MGAT4C: variants seen among roughly 807,000 people sequenced by gnomAD.
MGAT4C encodes the protein alpha-1,3-mannosyl-glycoprotein 4-beta-N-acetylglucosaminyltransferase C.
In MGAT4C, 19 loss-of-function variants were observed where a neutral mutation model predicts 40.1. The ratio of observed to expected loss-of-function variants is 0.47; its 90% CI spans 0.33 to 0.70. The LOEUF (loss-of-function observed/expected upper bound fraction) is 0.70, where lower values mean the gene tolerates loss of function less well. Ranked by LOEUF, MGAT4C falls within the 30% of genes least tolerant of loss-of-function variation. MGAT4C has a pLI of 0.02. For synonymous variants in MGAT4C, 181 were observed against 187.1 expected (o/e 0.97, Z 0.27); for missense variants, 491 against 563.2 (o/e 0.87, Z 1.30).
chr12:86,390,740 T>C (rs568099806), intron 3 of MGAT4C, among the ~76,000 whole-genome samples: 1 of 149,800 alleles, frequency 6.7e-6, no homozygotes, highest in African/African-American at 2.4e-5. Flanking sequence ...ATTTATAATT[T>C]GATTTAAAAA....
At chr12:86,554,143 C>T (rs1310822929) in intron 2 of MGAT4C, among the ~76,000 whole-genome samples, 2 of 151,726 alleles carry the variant, frequency 1.3e-5, no homozygotes, top group Non-Finnish European at 2.9e-5. Context: ...TACACACACA[C>T]ACACACACAC....
At chr12:86,580,715 G>A (rs933093937) in intron 2 of MGAT4C, among the ~76,000 whole-genome samples, 5 of 151,124 alleles carry the variant, frequency 3.3e-5, no homozygotes, top group Non-Finnish European at 7.4e-5. Flanking sequence ...CCTTATTTTC[G>A]GTATTGAATA....
At chr12:86,208,923 A>G (rs1020207378) in intron 1 of MGAT4C, among the ~76,000 whole-genome samples, 2 of 152,264 alleles carry the variant, frequency 1.3e-5, no homozygotes, top group African/African-American at 2.4e-5. Context: ...TACATTCGCT[A>G]CTTACTTCTC....
chr12:86,833,179 A>ACTTTGAAAGG (rs1417504546), intron 1 of MGAT4C, among the ~76,000 whole-genome samples: 4 of 151,858 alleles, frequency 2.6e-5, no homozygotes, highest in Admixed American at 2.6e-4. Context: ...ATTTGATCAA[A>ACTTTGAAAGG]CTTTGAAAGG....
chr12:86,148,197 A>G lies in MGAT4C; in HGVS notation c.-56-98474T>C, dbSNP rs895630414. ...GTCACTTAAAATTTGTGCTCCTTAG[A>G]GAGTGAAAGGAGAGAACCAGGAATC... On this transcript the variant is annotated intron_variant, in intron 1 of 4. Coordinates refer to ENST00000611864, the MANE Select transcript of MGAT4C (RefSeq NM_001351288.2). 3.3e-5 allele frequency among the ~76,000 whole-genome samples: 5 copies of G among 152,310 alleles called. No homozygotes were observed. In the South Asian group the frequency reaches 1.0e-3, roughly 32 times the overall value.
chr12:86,267,265 G>C lies in MGAT4C; in HGVS notation c.-57+66800C>G, dbSNP rs554613153. On this transcript the variant is annotated intron_variant, in intron 4 of 7. Transcript: ENST00000548651. ...AGTTCTCTCTTAGCACTGCTTTGCT[G>C]TATCTCACAGATTTTGGTAGGCTGC... Among the ~76,000 whole-genome samples, 5 of 152,184 alleles carry C rather than the reference G, an allele frequency of 3.3e-5. No individual in the cohort carries two copies. The East Asian group carries it at 9.7e-4, about 29-fold the overall frequency.
Position 86,689,287 on chromosome 12 carries a change from C to T in MGAT4C, c.-229+37922G>A, listed in dbSNP as rs541616145. ...TTAGCTTCCTTGCCCTGGGTTAGAA[C>T]ACGCTCCTTTAGCTTGGAGGATTTT... On this transcript the variant is annotated intron_variant, in intron 2 of 7. Coordinates refer to the MGAT4C transcript ENST00000548651. 5.1e-4 allele frequency among the ~76,000 whole-genome samples: 77 copies of T among 152,248 alleles called. 1 individual carries two copies. Among genetic ancestry groups the T allele is most frequent in the African/African-American group, 1.8e-3 (73 of 41,550 alleles).
intron 2 of MGAT4C, among the ~76,000 whole-genome samples, chr12:86,641,412 T>A (rs574106729): frequency 6.6e-6 from 1 of 151,834 alleles, no homozygotes; most frequent in Admixed American, 6.6e-5. Context: ...GAGATATACC[T>A]AATGCTAAAT....
chr12:86,409,215 A>G (rs1344206467), intron 3 of MGAT4C, among the ~76,000 whole-genome samples: 1 of 152,190 alleles, frequency 6.6e-6, no homozygotes, highest in Non-Finnish European at 1.5e-5. Flanking sequence ...CATTGGGCCA[A>G]CCAAATTTTA....
chr12:86,042,847 A>C (rs1891998923), intron 2 of MGAT4C, among the ~76,000 whole-genome samples: 1 of 144,508 alleles, frequency 6.9e-6, no homozygotes, highest in South Asian at 2.2e-4. Context: ...CAGCCTGGGC[A>C]ACAGAGCAAG....
chr12:85,960,501 A>T lies in MGAT4C; in HGVS notation c.*18788T>A, dbSNP rs1883056336. 6.6e-6 allele frequency: 1 copy of T among 152,050 alleles called. No homozygotes were observed. The highest frequency in any genetic ancestry group is 1.5e-5 in the Non-Finnish European group (1 of 67,904). The allele number at this position is 152,050 out of a possible 1,614,324, so 9.4% of individuals were successfully genotyped here. The stretch of plus-strand genomic sequence containing the variant: ...TGTAAAACAACAATTAGCATGTGAC[A>T]TGCTCTCAGCAAATCAATTAATCCT... On this transcript the variant is annotated 3_prime_UTR_variant, in exon 5 of 5. Transcript: ENST00000611864.
chr12:86,784,833 T>C (rs1168534381), intron 1 of MGAT4C, among the ~76,000 whole-genome samples: 2 of 151,906 alleles, frequency 1.3e-5, no homozygotes, highest in African/African-American at 2.4e-5. Context: ...GTAAGGATTA[T>C]TAGAGGAAGG....
At chr12:85,997,558 A>G (rs1397304418) in intron 2 of MGAT4C, among the ~76,000 whole-genome samples, 1 of 152,352 alleles carries the variant, frequency 6.6e-6, no homozygotes, top group African/African-American at 2.4e-5. Flanking sequence ...CAATGGAGGT[A>G]CAGGCATTGG....
intron 1 of MGAT4C, among the ~76,000 whole-genome samples, chr12:86,176,135 CCT>C (rs1887407677): frequency 6.6e-6 from 1 of 152,156 alleles, no homozygotes; most frequent in Non-Finnish European, 1.5e-5. Context: ...TTTAATCTAA[CCT>C]AACACATTCT....
At chr12:86,763,993 G>C (rs1355728095) in intron 1 of MGAT4C, among the ~76,000 whole-genome samples, 1 of 152,096 alleles carries the variant, frequency 6.6e-6, no homozygotes, top group Non-Finnish European at 1.5e-5. Flanking sequence ...ATATCACTAG[G>C]GAGTGCCAGA....
At chr12:86,625,766 G>A (rs1290413681) in intron 2 of MGAT4C, among the ~76,000 whole-genome samples, 9 of 151,946 alleles carry the variant, frequency 5.9e-5, no homozygotes, top group Admixed American at 1.3e-4. Context: ...TATATCTACT[G>A]AGAAATAGGA....
At chr12:86,433,573 C>T (rs1957083296) in intron 3 of MGAT4C, among the ~76,000 whole-genome samples, 1 of 151,344 alleles carries the variant, frequency 6.6e-6, no homozygotes, top group African/African-American at 2.4e-5. Flanking sequence ...GACTTTTTTT[C>T]CCCTCAGCTC....
chr12:86,443,991 C>G (rs569425974), intron 2 of MGAT4C, among the ~76,000 whole-genome samples: 1 of 152,146 alleles, frequency 6.6e-6, no homozygotes, highest in African/African-American at 2.4e-5. Context: ...TCATCCTCAT[C>G]GGTGTTTAAT....
chr12:86,279,239 G>T (rs535243050), intron 4 of MGAT4C, among the ~76,000 whole-genome samples: 1 of 152,126 alleles, frequency 6.6e-6, no homozygotes, highest in Middle Eastern at 3.4e-3. Flanking sequence ...TTGATATTAG[G>T]TCTTCTTCAA....
Sources: allele counts gnomAD v4.1 joint callset (sites outside exome capture counted in the v4.1 genomes callset), GRCh38; gene constraint gnomAD v4.1.1; transcripts MANE v1.5; gene names NCBI Gene and HGNC (gene_info 2026-07-23, HGNC 2026-07-21).